The following GABRG3 variants were observed in gnomAD, a reference collection of about 807,000 sequenced individuals.
GABRG3 encodes the protein gamma-aminobutyric acid receptor subunit gamma-3.
In GABRG3, 25 loss-of-function variants were observed where a neutral mutation model predicts 48.8. That is an observed-to-expected ratio of 0.51 (90% CI 0.37 to 0.72). GABRG3 has a LOEUF of 0.72. Ranked by LOEUF, GABRG3 falls within the 30% of genes least tolerant of loss-of-function variation. The pLI is 0.00. For missense variants in GABRG3, 394 were observed against 577.9 expected (o/e 0.68, Z 3.26); for synonymous variants, 227 against 217.6 (o/e 1.04, Z -0.38).
At chr15:27,532,561 A>T in intron 9 of GABRG3, 39 bp from the exon 10 acceptor site, 1 of 1,597,864 alleles carries the variant, frequency 6.3e-7, no homozygotes, top group East Asian at 2.2e-5. Flanking sequence ...TTTTTATTGC[A>T]TTTTACAATG....
rs567581809 is a variant in GABRG3, at chr15:27,145,603, C to A, written c.270+118782C>A. 4.0e-4 allele frequency among the ~76,000 whole-genome samples: 41 copies of A among 102,386 alleles called. 1 individual carries two copies. Among genetic ancestry groups the A allele is most frequent in the South Asian group, 1.9e-3 (6 of 3,138 alleles). 67.2% of individuals were successfully genotyped at this position (102,386 alleles called of 152,430 possible). On this transcript the variant is annotated intron_variant, in intron 3 of 9. Coordinates refer to ENST00000615808, the MANE Select transcript of GABRG3 (RefSeq NM_033223.5). ...ACTAGGCATATATACATATATCTAT[C>A]TCTATCTATCTATCTATCTATCTAT...
chr15:27,277,620 G>T (rs1358964591), intron 3 of GABRG3, among the ~76,000 whole-genome samples: 1 of 152,034 alleles, frequency 6.6e-6, no homozygotes, highest in East Asian at 1.9e-4. Context: ...ACTGACATTG[G>T]TGACATTGGT....
intron 3 of GABRG3, among the ~76,000 whole-genome samples, chr15:27,225,924 C>G (rs1471855026): frequency 6.6e-6 from 1 of 152,108 alleles, no homozygotes; most frequent in Admixed American, 6.5e-5. Context: ...GACCCAGAGC[C>G]TGTGACTAAG....
chr15:27,241,995 T>G (rs755759204), intron 3 of GABRG3, among the ~76,000 whole-genome samples: 5 of 152,138 alleles, frequency 3.3e-5, no homozygotes, highest in Non-Finnish European at 7.3e-5. Flanking sequence ...CCAGAGGATG[T>G]TCAGCTGATA....
At chr15:27,051,625 GT>G (rs1896457017) in intron 3 of GABRG3, among the ~76,000 whole-genome samples, 1 of 152,212 alleles carries the variant, frequency 6.6e-6, no homozygotes, top group Non-Finnish European at 1.5e-5. Flanking sequence ...ATCTAAGACA[GT>G]AGTCCCCAAC....
chr15:27,201,836 A>G (rs1312541161), intron 3 of GABRG3, among the ~76,000 whole-genome samples: 1 of 152,248 alleles, frequency 6.6e-6, no homozygotes, highest in Non-Finnish European at 1.5e-5. Flanking sequence ...TGTTCTTAAA[A>G]TGATACAGAA....
intron 2 of GABRG3, among the ~76,000 whole-genome samples, chr15:27,014,042 G>A (rs1895734408): frequency 6.6e-6 from 1 of 152,060 alleles, no homozygotes; most frequent in East Asian, 1.9e-4. Flanking sequence ...TACAAACAAT[G>A]TTTTGTAGTT....
At chr15:27,511,545 A>G (rs189778041) in intron 6 of GABRG3, among the ~76,000 whole-genome samples, 2 of 152,358 alleles carry the variant, frequency 1.3e-5, no homozygotes, top group African/African-American at 4.8e-5. Context: ...CCACACTGAT[A>G]TACTGCTCAA....
At chr15:27,026,499 A>C (rs1410961567) in intron 2 of GABRG3, among the ~76,000 whole-genome samples, 1 of 152,252 alleles carries the variant, frequency 6.6e-6, no homozygotes, top group Non-Finnish European at 1.5e-5. Flanking sequence ...GGCAAATTGC[A>C]GTGTATAAAT....
At chr15:27,340,105 C>T (rs1894117586) in intron 5 of GABRG3, among the ~76,000 whole-genome samples, 1 of 152,162 alleles carries the variant, frequency 6.6e-6, no homozygotes, top group South Asian at 2.1e-4. Flanking sequence ...CTTTCCCCAT[C>T]TGCAAGGTGG....
intron 4 of GABRG3, 119 bp from the exon 5 acceptor site, chr15:27,328,687 G>A (rs1893700742): frequency 1.3e-5 from 9 of 717,846 alleles, no homozygotes; most frequent in Admixed American, 2.1e-5. Flanking sequence ...AGAGTGAGCC[G>A]CACATGCTGC....
intron 3 of GABRG3, among the ~76,000 whole-genome samples, chr15:27,256,705 C>G (rs28625058): frequency 0.6 from 91,436 of 151,944 alleles, 28,288 homozygotes; most frequent in Non-Finnish European, 0.66. Flanking sequence ...CCACATGATT[C>G]CTGGTTTTGC....
chr15:27,087,842 G>A (rs1897105484), intron 3 of GABRG3, among the ~76,000 whole-genome samples: 1 of 151,438 alleles, frequency 6.6e-6, no homozygotes, highest in South Asian at 2.1e-4. Context: ...GTGTGCATGT[G>A]TATGTGTGTG....
chr15:27,189,468 G>A (rs993302400), intron 3 of GABRG3, among the ~76,000 whole-genome samples: 17 of 152,024 alleles, frequency 1.1e-4, no homozygotes, highest in African/African-American at 3.4e-4. Flanking sequence ...GGATTCCTAG[G>A]TATTTTATTC....
intron 3 of GABRG3, among the ~76,000 whole-genome samples, chr15:27,029,583 A>G (rs758528166): frequency 6.6e-6 from 1 of 151,958 alleles, no homozygotes; most frequent in East Asian, 1.9e-4. Flanking sequence ...TTTAATTCCC[A>G]TGTTCTCCTT....
chr15:27,465,348 G>T (rs8033600), intron 5 of GABRG3, among the ~76,000 whole-genome samples: 10 of 152,140 alleles, frequency 6.6e-5, no homozygotes, highest in Admixed American at 3.9e-4. Context: ...GGATACAAAC[G>T]TAAGGTCTCT....
chr15:27,234,492 G>C (rs145472778), intron 3 of GABRG3, among the ~76,000 whole-genome samples: 196 of 152,266 alleles, frequency 1.3e-3, no homozygotes, highest in African/African-American at 4.6e-3. Context: ...GGTCCTGTAA[G>C]CTCAGCTCCC....
chr15:27,314,145 C>T (rs183453257), intron 3 of GABRG3, among the ~76,000 whole-genome samples: 6 of 152,148 alleles, frequency 3.9e-5, no homozygotes, highest in Admixed American at 1.3e-4. Context: ...AACCAATAAG[C>T]TTTTGCACAA....
At chr15:27,396,122 C>T (rs149054390) in intron 5 of GABRG3, among the ~76,000 whole-genome samples, 1 of 152,312 alleles carries the variant, frequency 6.6e-6, no homozygotes, top group Non-Finnish European at 1.5e-5. Context: ...CCTCGGCCTC[C>T]CAAAGTGCTG....
Sources: gnomAD v4.1 joint callset for allele counts (sites outside exome capture counted in the v4.1 genomes callset) on GRCh38, gnomAD v4.1.1 for gene constraint, MANE v1.5 for transcripts, NCBI Gene and HGNC (gene_info 2026-07-23, HGNC 2026-07-21) for gene names.